The following SEZ6L variants were observed in gnomAD, a reference collection of about 807,000 sequenced individuals.
SEZ6L encodes the protein seizure related 6 homolog like.
A neutral mutation model predicts 106.2 loss-of-function variants in SEZ6L; 37 were observed. That is an observed-to-expected ratio of 0.35 (90% CI 0.27 to 0.46). SEZ6L has a LOEUF of 0.46. SEZ6L is among the 20% of genes least tolerant of loss of function. The pLI, the probability that SEZ6L is intolerant of heterozygous loss-of-function variation, is 1.00. For missense variants in SEZ6L, 1,172 were observed against 1,332.8 expected, an observed-to-expected ratio of 0.88 and a Z score of 1.88; for synonymous variants, 541 against 570.4, an observed-to-expected ratio of 0.95 and a Z score of 0.73.
intron 1 of SEZ6L, among the ~76,000 whole-genome samples, chr22:26,256,754 C>A (rs1041649474): frequency 6.6e-6 from 1 of 152,224 alleles, no homozygotes; most frequent in South Asian, 2.1e-4. Context: ...TCCGCAGACC[C>A]ACTGGGTCAG....
rs1175987341 is a variant in SEZ6L at position 26,380,368 on chromosome 22, G to A, written c.*73G>A. 3.6e-5 allele frequency: 46 copies of A among 1,280,088 alleles called. No individual in the cohort carries two copies. The East Asian group carries it at 1.1e-3, about 30-fold the overall frequency. 79.3% of individuals were successfully genotyped at this position (1,280,088 alleles called of 1,614,324 possible). Reference sequence around the variant, plus strand: ...CTCGAGACATTCATCCAGAGACCATGTGGCACTTGATTGAAACCCCAGAAT... The same window carrying A: ...CTCGAGACATTCATCCAGAGACCATATGGCACTTGATTGAAACCCCAGAAT... On this transcript the variant is annotated 3_prime_UTR_variant, in exon 17 of 17. Coordinates refer to ENST00000248933, the MANE Select transcript of SEZ6L (RefSeq NM_021115.5).
At chr22:26,323,775 TTGATGATGATGA>T (rs149299221) in intron 9 of SEZ6L, among the ~76,000 whole-genome samples, 1 of 151,614 alleles carries the variant, frequency 6.6e-6, no homozygotes, top group East Asian at 1.9e-4. Context: ...CATTATCTCA[TTGATGATGATGA>T]TGATGATGAT....
intron 1 of SEZ6L, among the ~76,000 whole-genome samples, chr22:26,266,434 G>T (rs890014085): frequency 1.4e-5 from 2 of 147,972 alleles, no homozygotes; most frequent in African/African-American, 2.5e-5. Context: ...TTAGCCGGGC[G>T]TGGTGGTGGG....
intron 9 of SEZ6L, among the ~76,000 whole-genome samples, chr22:26,328,063 C>T (rs2082374479): frequency 6.6e-6 from 1 of 152,192 alleles, no homozygotes; most frequent in African/African-American, 2.4e-5. Flanking sequence ...GTGTGTGGGT[C>T]CAACCTTCTC....
intron 16 of SEZ6L, among the ~76,000 whole-genome samples, chr22:26,378,769 C>A (rs2084315678): frequency 6.6e-6 from 1 of 152,166 alleles, no homozygotes; most frequent in Non-Finnish European, 1.5e-5. Context: ...AACCACCATC[C>A]TTCAAGTTCA....
intron 1 of SEZ6L, among the ~76,000 whole-genome samples, chr22:26,170,393 G>C (rs907859503): frequency 1.3e-5 from 2 of 152,126 alleles, no homozygotes; most frequent in African/African-American, 4.8e-5. Flanking sequence ...GGAGGGAGAA[G>C]AGATGTTAGT....
chr22:26,347,864 C>CT lies in SEZ6L; in HGVS notation c.2359dup (p.Cys787LeufsTer15). On this transcript the variant is annotated frameshift_variant, in exon 11 of 17. Transcript: ENST00000248933. LOFTEE classifies it high-confidence loss of function. ...ACATCGTGGGGAGTGACACCCTCACCTGCCAGTGGGACCTCAGCTGGAGCA... is the reference window on the plus strand; with the variant it reads ...ACATCGTGGGGAGTGACACCCTCACCTTGCCAGTGGGACCTCAGCTGGAGCA... 1 of 1,595,068 alleles carries CT rather than the reference C, an allele frequency of 6.3e-7. No individual in the cohort carries two copies. Among genetic ancestry groups the CT allele is most frequent in the Non-Finnish European group, 8.5e-7 (1 of 1,174,126 alleles).
chr22:26,361,805 C>A (rs1007392620), intron 12 of SEZ6L, among the ~76,000 whole-genome samples: 6 of 152,076 alleles, frequency 3.9e-5, no homozygotes, highest in African/African-American at 1.4e-4. Flanking sequence ...TCCTGCTCTG[C>A]AATTTGCCTT....
At chr22:26,329,682 A>G (rs2082422334) in intron 9 of SEZ6L, among the ~76,000 whole-genome samples, 1 of 152,336 alleles carries the variant, frequency 6.6e-6, no homozygotes, top group African/African-American at 2.4e-5. Flanking sequence ...GTGCCTGGCA[A>G]GGTTGTGCTG....
At chr22:26,237,769 C>A (rs1296519250) in intron 1 of SEZ6L, among the ~76,000 whole-genome samples, 2 of 152,200 alleles carry the variant, frequency 1.3e-5, no homozygotes, top group Non-Finnish European at 2.9e-5. Flanking sequence ...ACCCCACCTG[C>A]TCCTAGGCCT....
chr22:26,243,608 A>C (rs1415437011), intron 1 of SEZ6L, among the ~76,000 whole-genome samples: 1 of 152,206 alleles, frequency 6.6e-6, no homozygotes, highest in Non-Finnish European at 1.5e-5. Flanking sequence ...TGTCTTAAAG[A>C]GACAGGAAGC....
intron 9 of SEZ6L, among the ~76,000 whole-genome samples, chr22:26,331,032 T>C (rs551984305): frequency 2.2e-4 from 34 of 152,332 alleles, no homozygotes; most frequent in African/African-American, 7.5e-4. Flanking sequence ...GGCTTGCTCA[T>C]CATGTCTTTC....
chr22:26,286,336 C>T (rs2080932207), intron 1 of SEZ6L, among the ~76,000 whole-genome samples: 1 of 152,198 alleles, frequency 6.6e-6, no homozygotes, highest in Non-Finnish European at 1.5e-5. Context: ...GAGACAGCAT[C>T]TTAAAATCAG....
chr22:26,296,224 G>A (rs1011824084), intron 3 of SEZ6L, among the ~76,000 whole-genome samples: 1 of 152,122 alleles, frequency 6.6e-6, no homozygotes, highest in Non-Finnish European at 1.5e-5. Flanking sequence ...GGCAAAGCAA[G>A]TGTCTGATTC....
intron 10 of SEZ6L, among the ~76,000 whole-genome samples, chr22:26,343,874 A>T (rs1941116): frequency 0.24 from 36,263 of 152,142 alleles, 4,667 homozygotes; most frequent in East Asian, 0.39. Context: ...TTGCGATACC[A>T]CTCAGTTGCT....
chr22:26,234,526 T>G (rs1490852745), intron 1 of SEZ6L, among the ~76,000 whole-genome samples: 1 of 152,252 alleles, frequency 6.6e-6, no homozygotes, highest in Non-Finnish European at 1.5e-5. Context: ...GCTCTCTGGC[T>G]TGGCAGCAAA....
chr22:26,368,246 C>T (rs1198879282), intron 13 of SEZ6L, among the ~76,000 whole-genome samples: 1 of 152,144 alleles, frequency 6.6e-6, no homozygotes, highest in East Asian at 1.9e-4. Context: ...TTTGTCCACT[C>T]CGAGGTATAT....
At chr22:26,249,558 G>T (rs1165325787) in intron 1 of SEZ6L, among the ~76,000 whole-genome samples, 1 of 151,896 alleles carries the variant, frequency 6.6e-6, no homozygotes, top group African/African-American at 2.4e-5. Context: ...CCATTTCTTG[G>T]ATTTTCTTTA....
intron 1 of SEZ6L, among the ~76,000 whole-genome samples, chr22:26,266,528 G>A (rs942930012): frequency 4.0e-5 from 6 of 151,576 alleles, no homozygotes; most frequent in African/African-American, 4.8e-5. Context: ...AGCCGAGATC[G>A]CACCACTGCA....
Sources: gnomAD v4.1 joint callset for allele counts (sites outside exome capture counted in the v4.1 genomes callset) on GRCh38, gnomAD v4.1.1 for gene constraint, MANE v1.5 for transcripts, NCBI Gene and HGNC (gene_info 2026-07-23, HGNC 2026-07-21) for gene names.